The following RPS6KA2 variants were observed in gnomAD, a reference collection of about 807,000 sequenced individuals.
The protein encoded by RPS6KA2 is ribosomal protein S6 kinase A2, also known as ribosomal protein S6 kinase alpha-2.
A neutral mutation model predicts 91.8 loss-of-function variants in RPS6KA2; 42 were observed. That is an observed-to-expected ratio of 0.46 (90% CI 0.36 to 0.59). RPS6KA2 has a LOEUF of 0.59. Among genes scored for constraint, RPS6KA2 ranks in the 20% least tolerant of loss-of-function variants. The pLI, the probability that RPS6KA2 is intolerant of heterozygous loss-of-function variation, is 0.00. For missense variants in RPS6KA2, 798 were observed against 978.5 expected, an observed-to-expected ratio of 0.82 and a Z score of 2.46; for synonymous variants, 414 against 393.6, an observed-to-expected ratio of 1.05 and a Z score of -0.61.
intron 2 of RPS6KA2, among the ~76,000 whole-genome samples, chr6:166,782,077 G>A (rs865918719): frequency 1.2e-4 from 18 of 152,294 alleles, no homozygotes; most frequent in Middle Eastern, 6.8e-3. Flanking sequence ...ATCATCTTGA[G>A]GTCAGGAGTT....
intron 2 of RPS6KA2, among the ~76,000 whole-genome samples, chr6:166,837,766 G>C (rs924011532): frequency 6.6e-6 from 1 of 152,238 alleles, no homozygotes; most frequent in East Asian, 1.9e-4. Context: ...GGGAAGGTGG[G>C]GTTCCCAGAT....
At chr6:166,788,101 G>C (rs986605987) in intron 2 of RPS6KA2, among the ~76,000 whole-genome samples, 6 of 151,974 alleles carry the variant, frequency 3.9e-5, no homozygotes, top group African/African-American at 1.4e-4. Context: ...CTGATCATTA[G>C]GTATTATGAT....
chr6:166,626,544 G>A lies in RPS6KA2; in HGVS notation c.99+377C>T, dbSNP rs756364740. ...GGAGCTGGGGGGCTTCTCCACTCGG[G>A]ACTTTGAGGGACCCCCGCGGAGCGC... is the stretch of plus-strand genomic sequence containing the variant. On this transcript the variant is annotated intron_variant, in intron 1 of 20. Transcript: ENST00000265678. This position sits in a 1 kb window ranked among gnomAD's most constrained non-coding sequence, Gnocchi z 4.1. Among the ~76,000 whole-genome samples the A allele has an allele frequency of 6.6e-6, 1 of 152,202 alleles. No homozygotes were observed. The highest frequency in any genetic ancestry group is 1.5e-5 in the Non-Finnish European group (1 of 68,022).
chr6:166,507,522 T>C (rs936134814), intron 5 of RPS6KA2, among the ~76,000 whole-genome samples: 8 of 140,446 alleles, frequency 5.7e-5, no homozygotes, highest in African/African-American at 1.9e-4. Flanking sequence ...ACAAAGCACA[T>C]ACCACACATA....
intron 2 of RPS6KA2, among the ~76,000 whole-genome samples, chr6:166,725,092 C>T (rs958525276): frequency 2.2e-4 from 34 of 152,156 alleles, no homozygotes; most frequent in African/African-American, 7.7e-4. Context: ...AATAATCCCA[C>T]GTTCTTTGGC....
At chr6:166,715,047 G>C (rs1789972838) in intron 2 of RPS6KA2, among the ~76,000 whole-genome samples, 1 of 152,208 alleles carries the variant, frequency 6.6e-6, no homozygotes, top group Admixed American at 6.5e-5. Flanking sequence ...CCAAAGCAGG[G>C]GGCTGAGGAG....
chr6:166,490,121 A>G lies in RPS6KA2; in HGVS notation c.818+550T>C, dbSNP rs774381521. Among the ~76,000 whole-genome samples, 92 of 152,198 alleles carry G rather than the reference A, an allele frequency of 6.0e-4. No homozygotes were observed. The highest frequency in any genetic ancestry group is 3.2e-3 in the Middle Eastern group (1 of 316). On this transcript the variant is annotated intron_variant, in intron 9 of 20. Transcript: ENST00000265678. The surrounding 1 kb of genome is among the most constrained non-coding windows in gnomAD (Gnocchi z 4.2). ...ACCTTGGCTTAGTAAATGATTTTTC[A>G]TGAGAATTAAGCAGAAAATGGTTTG...
chr6:166,717,637 G>A (rs1355407435), intron 2 of RPS6KA2, among the ~76,000 whole-genome samples: 3 of 152,146 alleles, frequency 2.0e-5, no homozygotes, highest in Non-Finnish European at 2.9e-5. Flanking sequence ...CACAGCACAC[G>A]TTCCATCCAG....
chr6:166,517,141 T>G (rs1583230492), intron 3 of RPS6KA2, among the ~76,000 whole-genome samples: 1 of 151,776 alleles, frequency 6.6e-6, no homozygotes, highest in East Asian at 1.9e-4. Flanking sequence ...TATCTTACAC[T>G]AAAATAAATC....
At chr6:166,467,346 T>C (rs1007895510) in intron 11 of RPS6KA2, among the ~76,000 whole-genome samples, 35 of 152,264 alleles carry the variant, frequency 2.3e-4, no homozygotes, top group Non-Finnish European at 3.4e-4. Flanking sequence ...ATTCCTGATC[T>C]TGCAGCTTAC....
At chr6:166,608,458 C>G (rs1002316209) in intron 1 of RPS6KA2, among the ~76,000 whole-genome samples, 3 of 151,762 alleles carry the variant, frequency 2.0e-5, no homozygotes, top group Non-Finnish European at 4.4e-5. Flanking sequence ...AACAATCCAT[C>G]GGCGCATGAA....
intron 2 of RPS6KA2, among the ~76,000 whole-genome samples, chr6:166,652,475 A>AG (rs776624157): frequency 1.6e-3 from 247 of 152,328 alleles, no homozygotes; most frequent in Non-Finnish European, 3.0e-3. Flanking sequence ...GGAACTTAGG[A>AG]AAAACCACAT....
intron 1 of RPS6KA2, among the ~76,000 whole-genome samples, chr6:166,614,847 A>C (rs1786345611): frequency 6.6e-6 from 1 of 152,070 alleles, no homozygotes; most frequent in African/African-American, 2.4e-5. Context: ...GACTCTTGTG[A>C]TTACATTTAG....
intron 2 of RPS6KA2, among the ~76,000 whole-genome samples, chr6:166,835,587 A>T (rs1233044019): frequency 6.6e-6 from 1 of 152,212 alleles, no homozygotes; most frequent in East Asian, 1.9e-4. Context: ...TGACTTTGGC[A>T]TATTTACCTT....
chr6:166,532,286 A>G (rs1357328251), intron 2 of RPS6KA2, among the ~76,000 whole-genome samples: 6 of 152,198 alleles, frequency 3.9e-5, no homozygotes, highest in African/African-American at 1.2e-4. Flanking sequence ...GCAGAGGGAC[A>G]TGGCTGGGAC....
intron 2 of RPS6KA2, among the ~76,000 whole-genome samples, chr6:166,820,711 AT>A (rs1466460971): frequency 1.3e-5 from 2 of 152,242 alleles, no homozygotes; most frequent in African/African-American, 4.8e-5. Context: ...ATTTATATAT[AT>A]ATGAATATAA....
At chr6:166,698,688 G>C (rs1789423593) in intron 2 of RPS6KA2, among the ~76,000 whole-genome samples, 1 of 152,202 alleles carries the variant, frequency 6.6e-6, no homozygotes, top group African/African-American at 2.4e-5. Context: ...CAATAGAGTA[G>C]TTACTGCCTC....
intron 2 of RPS6KA2, among the ~76,000 whole-genome samples, chr6:166,681,814 G>A (rs936149721): frequency 3.3e-5 from 5 of 151,654 alleles, no homozygotes; most frequent in African/African-American, 1.2e-4. Flanking sequence ...CCTGCAGCAG[G>A]TGCCTAGAAT....
chr6:166,708,313 C>T (rs888875378), intron 2 of RPS6KA2, among the ~76,000 whole-genome samples: 1 of 152,126 alleles, frequency 6.6e-6, no homozygotes, highest in African/African-American at 2.4e-5. Flanking sequence ...GACCACTCTT[C>T]ACAAGTATTT....
Sources: gnomAD v4.1 joint callset for allele counts (sites outside exome capture counted in the v4.1 genomes callset) on GRCh38, gnomAD v4.1.1 for gene constraint, Gnocchi (gnomAD v3.1) non-coding constraint, MANE v1.5 for transcripts, NCBI Gene and HGNC (gene_info 2026-07-23, HGNC 2026-07-21) for gene names.